Variants in IQCM observed in about 807,000 individuals in gnomAD.
IQCM encodes the protein IQ motif containing M.
A neutral mutation model predicts 57.6 loss-of-function variants in IQCM; 45 were observed. The observed-to-expected ratio is 0.78, with a 90% CI of 0.62 to 1.00. The LOEUF is 1.00. Among genes scored for constraint, IQCM ranks in the 50% least tolerant of loss-of-function variants. IQCM has a pLI of 0.00. For missense variants in IQCM, 468 were observed against 511.6 expected, an observed-to-expected ratio of 0.91 and a Z score of 0.82; for synonymous variants, 148 against 158.9, an observed-to-expected ratio of 0.93 and a Z score of 0.51.
intron 12 of IQCM, among the ~76,000 whole-genome samples, chr4:149,535,320 C>T (rs1003879885): frequency 1.8e-4 from 27 of 152,072 alleles, no homozygotes; most frequent in African/African-American, 4.8e-4. Context: ...CAAGAATTTA[C>T]GATACAGTAT....
intron 13 of IQCM, among the ~76,000 whole-genome samples, chr4:149,352,374 G>T (rs1728640698): frequency 6.6e-6 from 1 of 152,172 alleles, no homozygotes; most frequent in South Asian, 2.1e-4. Context: ...TCAAGGAACT[G>T]CAGATAAAAA....
At chr4:149,477,830 A>C (rs992449) in intron 12 of IQCM, among the ~76,000 whole-genome samples, 81,202 of 151,762 alleles carry the variant, frequency 0.54, 21,955 homozygotes, top group Non-Finnish European at 0.56. Context: ...GGGGGGAAAA[A>C]TGCATGTGGG....
chr4:149,429,284 AC>A (rs1412259159), intron 13 of IQCM, among the ~76,000 whole-genome samples: 1 of 151,904 alleles, frequency 6.6e-6, no homozygotes, highest in Non-Finnish European at 1.5e-5. Context: ...TAAAAGACTA[AC>A]TTTCCAAAAT....
rs1481020443 is a variant in IQCM, at chr4:149,742,696, G to A, written c.-5C>T. 3 of 1,231,126 alleles carry A rather than the reference G, an allele frequency of 2.4e-6. No homozygotes were observed. The East Asian group carries it at 9.5e-5, about 39-fold the overall frequency. The allele number at this position is 1,231,126 out of a possible 1,614,324, so 76.3% of individuals were successfully genotyped here. ...CATAGCCTCTTCAGTAGTCATGAGG[G>A]GCAGTTAGAATGATCTTCTTTTTTA... is the stretch of plus-strand genomic sequence containing the variant. On this transcript the variant is annotated 5_prime_UTR_variant, in exon 3 of 14. Coordinates refer to ENST00000636793, the MANE Select transcript of IQCM (RefSeq NM_001363507.2).
chr4:149,365,934 G>A (rs1729798983), intron 13 of IQCM, among the ~76,000 whole-genome samples: 2 of 152,108 alleles, frequency 1.3e-5, no homozygotes, highest in South Asian at 4.1e-4. Context: ...GGGAAAACCA[G>A]TGAAATCCAA....
chr4:149,699,599 A>G (rs1022245210), intron 5 of IQCM, among the ~76,000 whole-genome samples: 2 of 150,926 alleles, frequency 1.3e-5, no homozygotes, highest in East Asian at 4.0e-4. Context: ...ACAAGAGTCC[A>G]GGAGAAAATT....
intron 12 of IQCM, among the ~76,000 whole-genome samples, chr4:149,527,121 A>T (rs1199839966): frequency 1.3e-5 from 2 of 152,218 alleles, no homozygotes; most frequent in Admixed American, 1.3e-4. Flanking sequence ...TATCATGATT[A>T]TCGTTCCCAT....
rs201946807 is a variant in IQCM, at chr4:149,368,992, GTATA to G, written c.1391-16930_1391-16927del. 6.2e-4 allele frequency among the ~76,000 whole-genome samples: 20 copies of G among 32,208 alleles called. 3 individuals carry two copies. In the East Asian group the frequency reaches 0.016, roughly 26 times the overall value. The allele number at this position is 32,208 out of a possible 152,430, so 21.1% of individuals were successfully genotyped here. On this transcript the variant is annotated intron_variant, in intron 13 of 13. Transcript: ENST00000636793. ...TATATATGTGTATATATATACACGT[GTATA>G]TATATATATATACACGTGTATATAT...
chr4:149,766,203 C>T lies in IQCM; in HGVS notation c.-48-23464G>A, dbSNP rs1394752482. Among the ~76,000 whole-genome samples, 3 of 152,182 alleles carry T rather than the reference C, an allele frequency of 2.0e-5. No individual in the cohort carries two copies. The East Asian group carries it at 5.8e-4, about 29-fold the overall frequency. ...TGTCAAATTATGCCCCATCTACAGACAAAATGGACTCCCTGTGGCTAACTG... is the reference window on the plus strand; with the variant it reads ...TGTCAAATTATGCCCCATCTACAGATAAAATGGACTCCCTGTGGCTAACTG... On this transcript the variant is annotated intron_variant, in intron 2 of 13. Transcript: ENST00000636793.
At chr4:149,599,120 C>T (rs1754039617) in intron 8 of IQCM, among the ~76,000 whole-genome samples, 1 of 152,020 alleles carries the variant, frequency 6.6e-6, no homozygotes, top group Non-Finnish European at 1.5e-5. Flanking sequence ...TAAAAGAATG[C>T]TTGTAGCAGG....
chr4:149,508,158 T>A (rs192284503), intron 12 of IQCM, among the ~76,000 whole-genome samples: 1 of 151,666 alleles, frequency 6.6e-6, no homozygotes, highest in Admixed American at 6.6e-5. Flanking sequence ...GCTGCAGGGG[T>A]GGGGCCCTCA....
intron 2 of IQCM, among the ~76,000 whole-genome samples, chr4:149,788,810 A>C (rs1035104001): frequency 6.6e-6 from 1 of 152,234 alleles, no homozygotes; most frequent in African/African-American, 2.4e-5. Flanking sequence ...AATACTATTC[A>C]CCTTAGAAAA....
intron 8 of IQCM, among the ~76,000 whole-genome samples, chr4:149,595,725 T>C (rs1753713723): frequency 6.6e-6 from 1 of 152,094 alleles, no homozygotes; most frequent in African/African-American, 2.4e-5. Flanking sequence ...CACAAGCCAA[T>C]CTCTTTACAT....
At chr4:149,738,180 G>C (rs568573591) in intron 3 of IQCM, among the ~76,000 whole-genome samples, 1 of 152,258 alleles carries the variant, frequency 6.6e-6, no homozygotes, top group Non-Finnish European at 1.5e-5. Context: ...CTGTGCTCCT[G>C]AGTTCCTTGC....
chr4:149,762,719 T>G (rs1044889445), intron 2 of IQCM, among the ~76,000 whole-genome samples: 1 of 152,058 alleles, frequency 6.6e-6, no homozygotes, highest in African/African-American at 2.4e-5. Flanking sequence ...TAATTTCTAG[T>G]TCAGATTAAT....
chr4:149,497,305 A>G (rs1018638609), intron 12 of IQCM, among the ~76,000 whole-genome samples: 15 of 152,126 alleles, frequency 9.9e-5, no homozygotes, highest in African/African-American at 2.9e-4. Context: ...CAGCATCCTC[A>G]GCAAATTAAT....
chr4:149,776,262 A>C (rs2149998937), intron 2 of IQCM, among the ~76,000 whole-genome samples: 1 of 152,306 alleles, frequency 6.6e-6, no homozygotes, highest in South Asian at 2.1e-4. Flanking sequence ...TAGTTTACTA[A>C]GTTGTTTCAA....
At chr4:149,382,755 C>A (rs1194520451) in intron 13 of IQCM, among the ~76,000 whole-genome samples, 2 of 152,006 alleles carry the variant, frequency 1.3e-5, no homozygotes, top group African/African-American at 4.8e-5. Flanking sequence ...TGCTAATGAG[C>A]CAACAATAAA....
intron 12 of IQCM, among the ~76,000 whole-genome samples, chr4:149,545,124 A>T (rs1748259364): frequency 6.6e-6 from 1 of 152,098 alleles, no homozygotes; most frequent in Non-Finnish European, 1.5e-5. Flanking sequence ...ATCACTTGAG[A>T]CCAGGAGTCC....
Sources: allele counts gnomAD v4.1 joint callset (sites outside exome capture counted in the v4.1 genomes callset), GRCh38; gene constraint gnomAD v4.1.1; transcripts MANE v1.5; gene names NCBI Gene and HGNC (gene_info 2026-07-23, HGNC 2026-07-21).